SHC4: variants seen among roughly 807,000 people sequenced by gnomAD.
SHC4 encodes the protein SHC-transforming protein 4.
Under a neutral mutation model 69.4 loss-of-function variants are expected in SHC4, and 41 were observed. The ratio of observed to expected loss-of-function variants is 0.59; its 90% CI spans 0.46 to 0.77. The LOEUF is 0.77. Among genes scored for constraint, SHC4 ranks in the 30% least tolerant of loss-of-function variants. The pLI is 0.00. For missense variants in SHC4, 777 were observed against 783.8 expected (o/e 0.99, Z 0.10); for synonymous variants, 318 against 299.3 (o/e 1.06, Z -0.64).
intron 6 of SHC4, 92 bp from the exon 7 acceptor site, chr15:48,857,907 T>C: frequency 9.8e-7 from 1 of 1,023,592 alleles, no homozygotes; most frequent in African/African-American, 1.7e-5. Context: ...CATGAACTGA[T>C]AATTGAATAA....
rs182080688 is a variant in SHC4, at chr15:48,863,096, T to C, written c.946+4722A>G. On this transcript the variant is annotated intron_variant, in intron 6 of 11. Transcript: ENST00000332408. ...CTAGTTAATTTTATAACATCAGCTT[T>C]CTGATTTCATTATTTTAAAACATTT... Among the ~76,000 whole-genome samples the C allele has an allele frequency of 1.8e-4, 27 of 151,218 alleles. 1 individual carries two copies. The highest frequency in any genetic ancestry group is 6.1e-4 in the African/African-American group (25 of 41,182).
chr15:48,908,266 T>C (rs371491845), intron 2 of SHC4, among the ~76,000 whole-genome samples: 7 of 152,212 alleles, frequency 4.6e-5, no homozygotes, highest in African/African-American at 1.2e-4. Context: ...TGGTATTGCA[T>C]TGTGGCTTTG....
At chr15:48,930,743 G>A (rs1328333800) in intron 1 of SHC4, among the ~76,000 whole-genome samples, 1 of 152,148 alleles carries the variant, frequency 6.6e-6, no homozygotes, top group Non-Finnish European at 1.5e-5. Flanking sequence ...TTCAACAATG[G>A]TAGAGGCCAC....
rs747974077 is a variant in SHC4 at position 48,858,964 on chromosome 15, T to G, written c.947-1149A>C. Among the ~76,000 whole-genome samples, 41 of 152,196 alleles carry G rather than the reference T, an allele frequency of 2.7e-4. 1 individual carries two copies. The highest frequency in any genetic ancestry group is 7.3e-5 in the Non-Finnish European group (5 of 68,036). On this transcript the variant is annotated intron_variant, in intron 6 of 11. Coordinates refer to ENST00000332408, the MANE Select transcript of SHC4 (RefSeq NM_203349.4). ...AGATTAAATACCAGGGAAAGTATCT[T>G]GGGTCTCAGCATTTTGAAAACAAAC...
intron 4 of SHC4, chr15:48,878,550 C>T: frequency 6.2e-7 from 1 of 1,614,060 alleles, no homozygotes; most frequent in South Asian, 1.1e-5. Flanking sequence ...TACAGAGTAT[C>T]AGCCGCTCTT....
At chr15:48,940,387 C>G (rs1271862053) in intron 1 of SHC4, among the ~76,000 whole-genome samples, 1 of 152,178 alleles carries the variant, frequency 6.6e-6, no homozygotes, top group African/African-American at 2.4e-5. Flanking sequence ...ACCCTAAAAT[C>G]ACACAAATCT....
chr15:48,846,946 C>A (rs1021899678), intron 9 of SHC4, among the ~76,000 whole-genome samples: 9 of 151,598 alleles, frequency 5.9e-5, no homozygotes, highest in African/African-American at 2.2e-4. Flanking sequence ...TATATCTAGC[C>A]TCTCTTGAAA....
chr15:48,856,097 G>T lies in SHC4; in HGVS notation c.1098C>A (p.Ala366=), dbSNP rs370110466. The T allele has an allele frequency of 1.3e-5, 21 of 1,612,994 alleles. No homozygotes were observed. Among genetic ancestry groups the T allele is most frequent in the Middle Eastern group, 3.3e-4 (2 of 6,074 alleles). Residue 366 remains alanine, a synonymous_variant, in exon 8 of 12, where the codon GCC becomes GCA. Coordinates refer to ENST00000332408, the MANE Select transcript of SHC4 (RefSeq NM_203349.4). ...ESEEVHIDSH[A]EEREDHEYYN... ...AATATTCATGATCTTCTCTCTCCTC[G>T]GCATGGCTATCAATATGCACCTCCT...
chr15:48,941,984 G>A (rs1296564963), intron 1 of SHC4, among the ~76,000 whole-genome samples: 1 of 151,972 alleles, frequency 6.6e-6, no homozygotes, highest in Non-Finnish European at 1.5e-5. Flanking sequence ...ATTTATAAAT[G>A]AGAACATGCA....
chr15:48,919,280 TA>T (rs1900690176), intron 2 of SHC4, among the ~76,000 whole-genome samples: 1 of 146,126 alleles, frequency 6.8e-6, no homozygotes, highest in Admixed American at 7.1e-5. Flanking sequence ...CTCACACTCT[TA>T]AAAATTTATT....
intron 4 of SHC4, among the ~76,000 whole-genome samples, chr15:48,874,418 A>G (rs1181379455): frequency 6.6e-6 from 1 of 152,122 alleles, no homozygotes; most frequent in Non-Finnish European, 1.5e-5. Context: ...GCTGCAGAGG[A>G]GGTGAGCAGT....
chr15:48,907,596 C>T (rs1424193635), intron 2 of SHC4, among the ~76,000 whole-genome samples: 1 of 151,896 alleles, frequency 6.6e-6, no homozygotes, highest in Non-Finnish European at 1.5e-5. Flanking sequence ...AAGTCCATTG[C>T]ATCATTCTCA....
chr15:48,924,057 G>A (rs1900800846), intron 2 of SHC4, among the ~76,000 whole-genome samples: 1 of 152,108 alleles, frequency 6.6e-6, no homozygotes, highest in South Asian at 2.1e-4. Flanking sequence ...TTCATGGGAT[G>A]AGCATTAGGG....
chr15:48,922,141 A>T (rs929483431), intron 2 of SHC4, among the ~76,000 whole-genome samples: 2 of 152,216 alleles, frequency 1.3e-5, no homozygotes, highest in Non-Finnish European at 2.9e-5. Context: ...GTAAATAAGC[A>T]CTTCTTCCTA....
intron 4 of SHC4, chr15:48,878,057 G>A: frequency 7.6e-7 from 1 of 1,323,884 alleles, no homozygotes; most frequent in Non-Finnish European, 1.0e-6. Flanking sequence ...CGGTACCTGA[G>A]GACCACGCCT....
At chr15:48,962,276 T>C (rs1442760616) in intron 1 of SHC4, among the ~76,000 whole-genome samples, 155 bp downstream of exon 1, 1 of 152,132 alleles carries the variant, frequency 6.6e-6, no homozygotes, top group Admixed American at 6.5e-5. Context: ...TGTAGGGACA[T>C]ATATAAACCC....
intron 1 of SHC4, among the ~76,000 whole-genome samples, chr15:48,926,339 T>C (rs948782218): frequency 1.3e-5 from 2 of 152,230 alleles, no homozygotes; most frequent in Non-Finnish European, 2.9e-5. Flanking sequence ...GCTCCCTGTT[T>C]AGCTTTCCTT....
chr15:48,865,989 AC>A (rs1398383992), intron 6 of SHC4, among the ~76,000 whole-genome samples: 2 of 151,998 alleles, frequency 1.3e-5, no homozygotes, highest in Non-Finnish European at 2.9e-5. Flanking sequence ...TAATCTTTGA[AC>A]TCTTCACCAT....
At chr15:48,882,218 CCT>C (rs1425740691) in intron 4 of SHC4, among the ~76,000 whole-genome samples, 1 of 152,056 alleles carries the variant, frequency 6.6e-6, no homozygotes, top group African/African-American at 2.4e-5. Flanking sequence ...TGAGTTGAGG[CCT>C]CTACAGTGGC....
Sources: allele counts gnomAD v4.1 joint callset (sites outside exome capture counted in the v4.1 genomes callset), GRCh38; gene constraint gnomAD v4.1.1; transcripts MANE v1.5; gene names NCBI Gene and HGNC (gene_info 2026-07-23, HGNC 2026-07-21).